CPNE4: variants seen among roughly 807,000 people sequenced by gnomAD.
The protein encoded by CPNE4 is copine 4, also known as copine-4.
Under a neutral mutation model 67.9 loss-of-function variants are expected in CPNE4, and 25 were observed. That is an observed-to-expected ratio of 0.37 (90% CI 0.27 to 0.51). CPNE4 has a LOEUF of 0.51. Ranked by LOEUF, CPNE4 falls within the 20% of genes least tolerant of loss-of-function variation. The pLI, the probability that CPNE4 is intolerant of heterozygous loss-of-function variation, is 0.93. For missense variants in CPNE4, 464 were observed against 690.8 expected (o/e 0.67, Z 3.68); for synonymous variants, 242 against 244.9 (o/e 0.99, Z 0.11).
intron 1 of CPNE4, among the ~76,000 whole-genome samples, chr3:132,030,190 C>T (rs1044433630): frequency 1.3e-5 from 2 of 152,202 alleles, no homozygotes; most frequent in African/African-American, 2.4e-5. Flanking sequence ...GGCTCCACTG[C>T]TGTAATTATC....
At chr3:131,650,599 G>C (rs147464038) in intron 7 of CPNE4, among the ~76,000 whole-genome samples, 1 of 150,036 alleles carries the variant, frequency 6.7e-6, no homozygotes, top group Non-Finnish European at 1.5e-5. Flanking sequence ...CAAAAAATTA[G>C]CCGGGCGTGG....
At chr3:131,713,939 C>T (rs1390330816) in intron 3 of CPNE4, among the ~76,000 whole-genome samples, 3 of 152,050 alleles carry the variant, frequency 2.0e-5, no homozygotes, top group African/African-American at 4.8e-5. Context: ...CTTATCTAGT[C>T]CACGGGAGCT....
At chr3:131,635,288 C>T (rs1353299243) in intron 7 of CPNE4, among the ~76,000 whole-genome samples, 3 of 152,174 alleles carry the variant, frequency 2.0e-5, no homozygotes, top group African/African-American at 7.2e-5. Context: ...ATGATTTAGA[C>T]ATAATCACTT....
chr3:131,706,427 G>C (rs1052561871), intron 3 of CPNE4, among the ~76,000 whole-genome samples: 6 of 152,160 alleles, frequency 3.9e-5, no homozygotes, highest in African/African-American at 1.4e-4. Flanking sequence ...AGCTCTGCAA[G>C]GTAAGTATTA....
chr3:131,855,927 C>T (rs2107654772), intron 2 of CPNE4, among the ~76,000 whole-genome samples: 1 of 152,006 alleles, frequency 6.6e-6, no homozygotes, highest in South Asian at 2.1e-4. Flanking sequence ...TTTATTTCTG[C>T]ACTTGGTCTC....
chr3:132,037,200 T>C (rs965819717), upstream of CPNE4, among the ~76,000 whole-genome samples: 4 of 152,198 alleles, frequency 2.6e-5, no homozygotes, highest in Non-Finnish European at 5.9e-5. Context: ...CTAAACACAA[T>C]GCCACAACTT....
At chr3:131,978,096 TATAAATATATATAA>T (rs2072728783) in intron 1 of CPNE4, among the ~76,000 whole-genome samples, 1 of 74,774 alleles carries the variant, frequency 1.3e-5, no homozygotes, top group African/African-American at 9.3e-5. Flanking sequence ...TAAATATATA[TATAAATATATATAA>T]AATATATATA....
intron 10 of CPNE4, among the ~76,000 whole-genome samples, chr3:131,569,468 C>T (rs1314668099): frequency 1.3e-5 from 2 of 151,586 alleles, no homozygotes; most frequent in African/African-American, 4.8e-5. Context: ...GACCCTGTCT[C>T]TACAAAAATT....
intron 2 of CPNE4, among the ~76,000 whole-genome samples, chr3:131,744,970 G>A (rs990600391): frequency 7.2e-5 from 11 of 152,148 alleles, no homozygotes; most frequent in Non-Finnish European, 1.5e-4. Context: ...TTGCTGAGTC[G>A]TATGGTAGTT....
intron 1 of CPNE4, among the ~76,000 whole-genome samples, chr3:132,011,913 G>C (rs1335450683): frequency 3.3e-5 from 5 of 152,208 alleles, no homozygotes; most frequent in Admixed American, 6.5e-5. Context: ...GTAGAACCTT[G>C]GTGATTTCTG....
At chr3:131,884,680 A>T (rs1312795320) in intron 2 of CPNE4, among the ~76,000 whole-genome samples, 1 of 152,120 alleles carries the variant, frequency 6.6e-6, no homozygotes, top group Non-Finnish European at 1.5e-5. Flanking sequence ...CTGGTGGGAG[A>T]TAAATGAATC....
At chr3:131,976,799 CTTTT>C (rs554656660) in intron 1 of CPNE4, among the ~76,000 whole-genome samples, 18 of 146,276 alleles carry the variant, frequency 1.2e-4, no homozygotes, top group Admixed American at 9.6e-4. Flanking sequence ...CATTATCATT[CTTTT>C]TTTTTTTTCT....
chr3:131,731,972 G>C (rs1016859415), intron 2 of CPNE4, among the ~76,000 whole-genome samples: 1 of 152,060 alleles, frequency 6.6e-6, no homozygotes, highest in African/African-American at 2.4e-5. Flanking sequence ...GAAACTGTGT[G>C]GGGGTGGCGG....
chr3:131,890,478 C>A lies in CPNE4; in HGVS notation c.180+14786G>T, dbSNP rs988383012. Among the ~76,000 whole-genome samples, 34 of 151,104 alleles carry A rather than the reference C, an allele frequency of 2.3e-4. 1 individual carries two copies. Among genetic ancestry groups the A allele is most frequent in the African/African-American group, 8.0e-4 (33 of 41,296 alleles). On this transcript the variant is annotated intron_variant, in intron 2 of 15. Coordinates refer to ENST00000429747, the MANE Select transcript of CPNE4 (RefSeq NM_130808.3). ...AGTGAGATTGTGGAGAAATTAGAAC[C>A]CTTATACACTGTTGGTGGGAATATA... is the stretch of plus-strand genomic sequence containing the variant.
At chr3:131,603,761 A>G (rs555548028) in intron 7 of CPNE4, among the ~76,000 whole-genome samples, 12 of 152,298 alleles carry the variant, frequency 7.9e-5, no homozygotes, top group African/African-American at 2.9e-4. Context: ...AAAGAGTCTC[A>G]GCATTCTGAA....
chr3:131,778,864 G>A lies in CPNE4; in HGVS notation c.181-55239C>T, dbSNP rs549491573. ...AGTAATCAGGCAAGAGAAAGAAAGGGCATCCAAATTGGAAGAGAGGAAGTC... is the reference window on the plus strand; with the variant it reads ...AGTAATCAGGCAAGAGAAAGAAAGGACATCCAAATTGGAAGAGAGGAAGTC... On this transcript the variant is annotated intron_variant, in intron 2 of 15. Coordinates refer to ENST00000429747, the MANE Select transcript of CPNE4 (RefSeq NM_130808.3). Among the ~76,000 whole-genome samples the A allele has an allele frequency of 1.2e-4, 18 of 152,132 alleles. No homozygotes were observed. In the East Asian group the frequency reaches 3.3e-3, roughly 28 times the overall value.
chr3:131,750,804 T>G (rs1234517065), intron 2 of CPNE4, among the ~76,000 whole-genome samples: 1 of 152,126 alleles, frequency 6.6e-6, no homozygotes, highest in African/African-American at 2.4e-5. Flanking sequence ...TTTAAAGAAC[T>G]TTGTCTCACC....
chr3:131,566,934 T>C (rs1365673266), intron 10 of CPNE4, among the ~76,000 whole-genome samples: 1 of 151,996 alleles, frequency 6.6e-6, no homozygotes, highest in Non-Finnish European at 1.5e-5. Flanking sequence ...TTAATTTATC[T>C]AAAAAGTGAA....
At chr3:131,876,669 G>C (rs1209770017) in intron 2 of CPNE4, among the ~76,000 whole-genome samples, 1 of 139,804 alleles carries the variant, frequency 7.2e-6, no homozygotes, top group Non-Finnish European at 1.5e-5. Flanking sequence ...AAGAAAGAAA[G>C]AGACATTCTT....
Sources: allele counts gnomAD v4.1 joint callset (sites outside exome capture counted in the v4.1 genomes callset), GRCh38; gene constraint gnomAD v4.1.1; transcripts MANE v1.5; gene names NCBI Gene and HGNC (gene_info 2026-07-23, HGNC 2026-07-21).